TMC1: variants seen among roughly 807,000 people sequenced by gnomAD.
TMC1 encodes the protein transmembrane channel-like protein 1.
Under a neutral mutation model 105.8 loss-of-function variants are expected in TMC1, and 84 were observed. The observed-to-expected ratio is 0.79, with a 90% CI of 0.67 to 0.95. The LOEUF is 0.95. Among genes scored for constraint, TMC1 ranks in the 40% least tolerant of loss-of-function variants. TMC1 has a pLI of 0.00. For missense variants in TMC1, 817 were observed against 914.1 expected, an observed-to-expected ratio of 0.89 and a Z score of 1.37; for synonymous variants, 315 against 311.5, an observed-to-expected ratio of 1.01 and a Z score of -0.12.
chr9:72,766,400 C>T (rs560517257), intron 12 of TMC1, among the ~76,000 whole-genome samples: 11 of 146,112 alleles, frequency 7.5e-5, no homozygotes, highest in Admixed American at 2.8e-4. Flanking sequence ...CTGGGTGACA[C>T]GGTGAGACTC....
chr9:72,755,038 A>AAGAGAG (rs1379638342), intron 12 of TMC1, among the ~76,000 whole-genome samples, 154 bp downstream of exon 12: 3 of 137,468 alleles, frequency 2.2e-5, no homozygotes, highest in East Asian at 4.9e-4. Context: ...GAAAGAAAGA[A>AAGAGAG]AGAGAGAGAG....
intron 12 of TMC1, among the ~76,000 whole-genome samples, chr9:72,760,560 C>G (rs1308193556): frequency 6.6e-6 from 1 of 152,038 alleles, no homozygotes; most frequent in Non-Finnish European, 1.5e-5. Context: ...TTTGGATCCA[C>G]TCTCTTGGAT....
chr9:72,571,876 G>C (rs1824291927), intron 1 of TMC1, among the ~76,000 whole-genome samples: 1 of 150,436 alleles, frequency 6.6e-6, no homozygotes, highest in African/African-American at 2.5e-5. Context: ...CCCTCTTGTT[G>C]CTTAGGCTGG....
chr9:72,591,602 G>T (rs1420540405), intron 2 of TMC1, among the ~76,000 whole-genome samples: 7 of 152,246 alleles, frequency 4.6e-5, no homozygotes, highest in South Asian at 4.1e-4. Context: ...ACACTGTTGC[G>T]TAGGCTAGAG....
intron 5 of TMC1, among the ~76,000 whole-genome samples, chr9:72,668,978 GA>G (rs1826085630): frequency 6.6e-6 from 1 of 152,090 alleles, no homozygotes; most frequent in Non-Finnish European, 1.5e-5. Context: ...CTCATTTTTA[GA>G]AAACAAAAAC....
At chr9:72,685,164 T>C (rs993397667) in intron 5 of TMC1, among the ~76,000 whole-genome samples, 2 of 140,586 alleles carry the variant, frequency 1.4e-5, no homozygotes, top group South Asian at 2.2e-4. Flanking sequence ...CAGAGTGCAG[T>C]GGCGCTATCT....
intron 5 of TMC1, among the ~76,000 whole-genome samples, chr9:72,657,270 AG>A (rs527341226): frequency 2.6e-5 from 4 of 152,200 alleles, no homozygotes; most frequent in Non-Finnish European, 5.9e-5. Context: ...TCAGGCAAAA[AG>A]ATCAGGCAAC....
In TMC1 at chr9:72,772,947, A is replaced by T. The variant is rs1050886637; in HGVS notation, c.884+392A>T. Among the ~76,000 whole-genome samples, 5 of 152,172 alleles carry T rather than the reference A, an allele frequency of 3.3e-5. No individual in the cohort carries two copies. In the East Asian group the frequency reaches 9.6e-4, roughly 29 times the overall value. On this transcript the variant is annotated intron_variant, in intron 13 of 23. Transcript: ENST00000297784. ...AGAATCAGCTCAATAGGCAGAATCTATTGTTCTCTGCTCATTTTTTAAAAA... is the reference window on the plus strand; with the variant it reads ...AGAATCAGCTCAATAGGCAGAATCTTTTGTTCTCTGCTCATTTTTTAAAAA...
intron 4 of TMC1, 146 bp from the exon 5 acceptor site, chr9:72,648,451 C>A: frequency 1.6e-6 from 1 of 632,948 alleles, no homozygotes; most frequent in Non-Finnish European, 2.8e-6. Context: ...GCAAACTAAA[C>A]ATTCGTGAAA....
At chr9:72,566,129 A>G (rs1004513891) in intron 1 of TMC1, among the ~76,000 whole-genome samples, 4 of 152,186 alleles carry the variant, frequency 2.6e-5, no homozygotes, top group African/African-American at 2.4e-5. Flanking sequence ...TCCTGGGCTC[A>G]AGTGATCCTC....
chr9:72,618,087 C>T (rs12349664), intron 3 of TMC1, among the ~76,000 whole-genome samples: 7,444 of 133,296 alleles, frequency 0.056, 233 homozygotes, highest in Middle Eastern at 0.08. Flanking sequence ...GGAGTGCAGT[C>T]GCTTGATCTC....
intron 1 of TMC1, among the ~76,000 whole-genome samples, chr9:72,533,574 G>A (rs968418787): frequency 9.2e-5 from 14 of 152,130 alleles, no homozygotes; most frequent in African/African-American, 3.4e-4. Context: ...CTTGTCATGT[G>A]AGTTACTGTT....
intron 18 of TMC1, among the ~76,000 whole-genome samples, chr9:72,806,548 G>A (rs1368577325): frequency 6.7e-6 from 1 of 149,208 alleles, no homozygotes; most frequent in African/African-American, 2.5e-5. Context: ...CTCAGACGGG[G>A]CAGTTGCCGG....
chr9:72,740,551 CTG>C (rs1827371687), intron 9 of TMC1, among the ~76,000 whole-genome samples: 1 of 152,048 alleles, frequency 6.6e-6, no homozygotes, highest in African/African-American at 2.4e-5. Context: ...CTCAAAGTAT[CTG>C]TATAGTTTTT....
At chr9:72,575,715 C>T (rs1188075014) in intron 1 of TMC1, among the ~76,000 whole-genome samples, 1 of 152,168 alleles carries the variant, frequency 6.6e-6, no homozygotes, top group Non-Finnish European at 1.5e-5. Flanking sequence ...CATGGGGTCA[C>T]AGCAGCTTTT....
chr9:72,791,803 T>C, intron 15 of TMC1, 83 bp from the exon 16 acceptor site: 1 of 1,185,868 alleles, frequency 8.4e-7, no homozygotes, highest in South Asian at 1.2e-5. Flanking sequence ...GAAGCCTAGC[T>C]CAGAATCTTC....
chr9:72,646,383 C>T (rs565986805), intron 4 of TMC1, among the ~76,000 whole-genome samples: 12 of 152,166 alleles, frequency 7.9e-5, no homozygotes, highest in East Asian at 7.7e-4. Flanking sequence ...TCCTATTAGC[C>T]GTATATGAGA....
At chr9:72,561,317 CAAAAAAA>C (rs375862130) in intron 1 of TMC1, among the ~76,000 whole-genome samples, 3 of 76,414 alleles carry the variant, frequency 3.9e-5, no homozygotes, top group East Asian at 3.9e-4. Flanking sequence ...GACTCCGTCT[CAAAAAAA>C]AAAAAAAAAA....
At chr9:72,548,307 C>A (rs4588926) in intron 1 of TMC1, among the ~76,000 whole-genome samples, 19 of 151,984 alleles carry the variant, frequency 1.3e-4, no homozygotes, top group Non-Finnish European at 2.9e-5. Flanking sequence ...CACAGTGGCT[C>A]ATGCCTGTAA....
Sources: allele counts gnomAD v4.1 joint callset (sites outside exome capture counted in the v4.1 genomes callset), GRCh38; gene constraint gnomAD v4.1.1; transcripts MANE v1.5; gene names NCBI Gene and HGNC (gene_info 2026-07-23, HGNC 2026-07-21).